L3MBTL4: variants seen among roughly 807,000 people sequenced by gnomAD.
The protein encoded by L3MBTL4 is lethal(3)malignant brain tumor-like protein 4.
Under a neutral mutation model 84.5 loss-of-function variants are expected in L3MBTL4, and 70 were observed. That is an observed-to-expected ratio of 0.83 (90% confidence interval 0.68 to 1.01). The LOEUF (loss-of-function observed/expected upper bound fraction) is 1.01, where lower values mean the gene tolerates loss of function less well. Ranked by LOEUF, L3MBTL4 falls within the 50% of genes least tolerant of loss-of-function variation. The probability of loss-of-function intolerance (pLI) is 0.00; values close to 1 mark genes in which losing one functional copy is unlikely to be tolerated. For synonymous variants in L3MBTL4, 274 were observed against 259.8 expected (o/e 1.05, Z -0.52); for missense variants, 715 against 754.8 (o/e 0.95, Z 0.62).
At chr18:6,240,409 T>G (rs2047403757) in intron 8 of L3MBTL4, among the ~76,000 whole-genome samples, 1 of 149,778 alleles carries the variant, frequency 6.7e-6, no homozygotes, top group South Asian at 2.1e-4. Flanking sequence ...TATATATAAT[T>G]TATATATATT....
intron 16 of L3MBTL4, among the ~76,000 whole-genome samples, chr18:5,995,956 C>A (rs2053944070): frequency 6.6e-6 from 1 of 152,322 alleles, no homozygotes; most frequent in Admixed American, 6.5e-5. Flanking sequence ...TAACCCTTTT[C>A]CAGTTTGCCC....
intron 1 of L3MBTL4, among the ~76,000 whole-genome samples, chr18:6,345,429 A>C (rs1211197961): frequency 6.6e-6 from 1 of 151,740 alleles, no homozygotes; most frequent in Non-Finnish European, 1.5e-5. Context: ...AACAAAAAAA[A>C]CCATAAAGAT....
chr18:6,412,953 A>G (rs2056030566), intron 1 of L3MBTL4, among the ~76,000 whole-genome samples: 1 of 151,990 alleles, frequency 6.6e-6, no homozygotes, highest in Non-Finnish European at 1.5e-5. Context: ...TTAGCCAGGC[A>G]TGGTGGTGCA....
intron 16 of L3MBTL4, among the ~76,000 whole-genome samples, chr18:6,051,641 G>T (rs559360094): frequency 1.3e-5 from 2 of 152,276 alleles, no homozygotes; most frequent in Admixed American, 1.3e-4. Flanking sequence ...CAAAATGTCG[G>T]CAGTGGATTG....
At chr18:6,021,664 G>A (rs2055271648) in intron 16 of L3MBTL4, among the ~76,000 whole-genome samples, 1 of 152,118 alleles carries the variant, frequency 6.6e-6, no homozygotes, top group Non-Finnish European at 1.5e-5. Context: ...CTGATCCTTG[G>A]GGTTTCTGTG....
chr18:6,253,758 A>G (rs934901032), intron 5 of L3MBTL4, among the ~76,000 whole-genome samples: 2 of 152,210 alleles, frequency 1.3e-5, no homozygotes, highest in South Asian at 4.1e-4. Flanking sequence ...TCTTTTCATC[A>G]TAAAAGTCTA....
At chr18:6,166,828 C>G (rs1264306835) in intron 13 of L3MBTL4, among the ~76,000 whole-genome samples, 1 of 152,052 alleles carries the variant, frequency 6.6e-6, no homozygotes, top group Non-Finnish European at 1.5e-5. Context: ...TAACTAAGAT[C>G]AGAGCAGAAC....
At chr18:6,246,683 C>T (rs113535915) in intron 5 of L3MBTL4, among the ~76,000 whole-genome samples, 10,947 of 152,206 alleles carry the variant, frequency 0.072, 1,300 homozygotes, top group African/African-American at 0.25. Context: ...GCAGGTGGAT[C>T]GTCTGAGGTC....
intron 13 of L3MBTL4, among the ~76,000 whole-genome samples, chr18:6,146,810 C>T (rs1164174460): frequency 1.3e-5 from 2 of 152,056 alleles, no homozygotes; most frequent in African/African-American, 4.8e-5. Flanking sequence ...GGGAAAAAGT[C>T]ATTGAGTGAG....
intron 13 of L3MBTL4, among the ~76,000 whole-genome samples, chr18:6,147,392 A>G (rs1362112610): frequency 6.6e-6 from 1 of 152,194 alleles, no homozygotes; most frequent in African/African-American, 2.4e-5. Flanking sequence ...AGAAAATAAT[A>G]TAACCAAACA....
chr18:6,091,927 A>C (rs1268124509), intron 15 of L3MBTL4, among the ~76,000 whole-genome samples: 1 of 152,220 alleles, frequency 6.6e-6, no homozygotes, highest in East Asian at 1.9e-4. Context: ...GAAATAGTTA[A>C]AAAAGAAAAA....
At chr18:6,368,546 A>T (rs557335431) in intron 1 of L3MBTL4, among the ~76,000 whole-genome samples, 1 of 152,186 alleles carries the variant, frequency 6.6e-6, no homozygotes, top group East Asian at 1.9e-4. Flanking sequence ...GACAACCCTG[A>T]GGTATAGGTA....
intron 14 of L3MBTL4, among the ~76,000 whole-genome samples, chr18:6,095,801 G>T (rs1364235523): frequency 6.6e-6 from 1 of 152,188 alleles, no homozygotes. Flanking sequence ...GCCAGCATAC[G>T]CTTGAGTCCT....
chr18:6,091,337 A>C (rs550105597), intron 15 of L3MBTL4, among the ~76,000 whole-genome samples: 9 of 152,344 alleles, frequency 5.9e-5, no homozygotes, highest in Non-Finnish European at 1.2e-4. Context: ...AAACATTATT[A>C]GGATGATTGG....
intron 10 of L3MBTL4, among the ~76,000 whole-genome samples, chr18:6,225,426 TAAAGAAA>T (rs990989579): frequency 6.6e-5 from 10 of 151,566 alleles, no homozygotes; most frequent in African/African-American, 1.7e-4. Context: ...GCACCAAAGG[TAAAGAAA>T]AAATGTTAAG....
intron 14 of L3MBTL4, among the ~76,000 whole-genome samples, chr18:6,097,980 A>T (rs1166656379): frequency 2.6e-5 from 4 of 152,116 alleles, no homozygotes; most frequent in Non-Finnish European, 5.9e-5. Flanking sequence ...TGTGCCCGCC[A>T]ATTGGGATCC....
At chr18:6,220,801 G>C (rs2046519490) in intron 10 of L3MBTL4, among the ~76,000 whole-genome samples, 1 of 152,106 alleles carries the variant, frequency 6.6e-6, no homozygotes, top group Admixed American at 6.6e-5. Context: ...GAATGATAGA[G>C]ATACAAGCCA....
chr18:6,011,018 A>G (rs1212946009), intron 16 of L3MBTL4, among the ~76,000 whole-genome samples: 2 of 152,182 alleles, frequency 1.3e-5, no homozygotes, highest in Non-Finnish European at 2.9e-5. Context: ...CCTTATTCCA[A>G]AGTGGGGAAG....
intron 1 of L3MBTL4, among the ~76,000 whole-genome samples, chr18:6,339,590 C>T (rs921324662): frequency 2.5e-4 from 17 of 67,266 alleles, no homozygotes; most frequent in Non-Finnish European, 4.0e-4. Flanking sequence ...AAAAGAAAAT[C>T]ATTTTTATAA....
Sources: gnomAD v4.1 joint callset for allele counts (sites outside exome capture counted in the v4.1 genomes callset) on GRCh38, gnomAD v4.1.1 for gene constraint, MANE v1.5 for transcripts, NCBI Gene and HGNC (gene_info 2026-07-23, HGNC 2026-07-21) for gene names.